The following BICD1 variants were observed in gnomAD, a reference collection of about 807,000 sequenced individuals.
BICD1 encodes BICD cargo adaptor 1, also known as protein bicaudal D homolog 1.
BICD1 carries 35 observed loss-of-function variants against 92.5 expected under a neutral mutation model. That is an observed-to-expected ratio of 0.38 (90% CI 0.29 to 0.50). The LOEUF is 0.50. BICD1 is among the 20% of genes least tolerant of loss of function. The pLI is 0.93. For synonymous variants in BICD1, 429 were observed against 465.1 expected, an observed-to-expected ratio of 0.92 and a Z score of 1.00; for missense variants, 950 against 1,189.8, an observed-to-expected ratio of 0.80 and a Z score of 2.97.
chr12:32,142,411 AAAAAAAAAAAAAAAAAAAAAC>A (rs1428411641), intron 1 of BICD1, among the ~76,000 whole-genome samples: 2 of 54,170 alleles, frequency 3.7e-5, no homozygotes, highest in South Asian at 6.4e-4. Context: ...TGTCTAAAAA[AAAAAAAAAAAAAAAAAAAAAC>A]AAAAAACCCC....
At chr12:32,314,447 G>A (rs897360865) in intron 4 of BICD1, among the ~76,000 whole-genome samples, 15 of 152,122 alleles carry the variant, frequency 9.9e-5, no homozygotes, top group African/African-American at 3.6e-4. Context: ...GTTATTATGT[G>A]CCTTTTCAAT....
rs948912913 is a variant in BICD1 at position 32,122,564 on chromosome 12, A to G, written c.213+15020A>G. Among the ~76,000 whole-genome samples, 5 of 152,176 alleles carry G rather than the reference A, an allele frequency of 3.3e-5. 1 individual carries two copies. Among genetic ancestry groups the G allele is most frequent in the Admixed American group, 1.3e-4 (2 of 15,282 alleles). ...GAGCATTCTCAGGTCTTCTATCTTA[A>G]TTACTGTAGTTATTTCCAGTCATGT... On this transcript the variant is annotated intron_variant, in intron 1 of 9. Transcript: ENST00000652176.
intron 1 of BICD1, among the ~76,000 whole-genome samples, chr12:32,128,083 T>C (rs942474462): frequency 2.0e-5 from 3 of 152,090 alleles, no homozygotes; most frequent in African/African-American, 7.2e-5. Context: ...TTTGTATTTT[T>C]AGTAGAGACA....
chr12:32,335,558 A>G (rs912863933), intron 6 of BICD1, among the ~76,000 whole-genome samples: 1 of 150,948 alleles, frequency 6.6e-6, no homozygotes, highest in African/African-American at 2.4e-5. Flanking sequence ...TGCTGTCACA[A>G]TGCAGTGTCA....
chr12:32,366,344 G>A (rs1425074720), intron 8 of BICD1, among the ~76,000 whole-genome samples: 1 of 152,222 alleles, frequency 6.6e-6, no homozygotes, highest in East Asian at 1.9e-4. Context: ...AGGAGGCCGG[G>A]TGCAGTGGCT....
At chr12:32,368,312 CTA>C (rs1167996229) in intron 9 of BICD1, among the ~76,000 whole-genome samples, 2 of 151,952 alleles carry the variant, frequency 1.3e-5, no homozygotes, top group Admixed American at 6.6e-5. Flanking sequence ...CTGCAGCGAG[CTA>C]TGATACCACT....
At chr12:32,278,937 G>C (rs1423068504) in intron 2 of BICD1, among the ~76,000 whole-genome samples, 1 of 152,182 alleles carries the variant, frequency 6.6e-6, no homozygotes, top group Non-Finnish European at 1.5e-5. Context: ...ATGCTACTTT[G>C]TGAAATAGAA....
At chr12:32,271,653 C>G (rs565419849) in intron 2 of BICD1, among the ~76,000 whole-genome samples, 1 of 152,130 alleles carries the variant, frequency 6.6e-6, no homozygotes. Flanking sequence ...TTCCCCATAC[C>G]GTGCCTGTAT....
intron 1 of BICD1, among the ~76,000 whole-genome samples, chr12:32,203,590 C>T (rs1412571216): frequency 1.3e-5 from 2 of 152,142 alleles, no homozygotes; most frequent in African/African-American, 4.8e-5. Flanking sequence ...GAACCCCCGG[C>T]CCATTTCGGA....
At chr12:32,272,866 T>G (rs1289377896) in intron 2 of BICD1, among the ~76,000 whole-genome samples, 1 of 152,210 alleles carries the variant, frequency 6.6e-6, no homozygotes, top group Non-Finnish European at 1.5e-5. Flanking sequence ...GGGTTTAGAT[T>G]GGAAAATAAG....
Position 32,137,279 on chromosome 12 carries a change from G to T in BICD1, c.213+29735G>T, listed in dbSNP as rs372861573. On this transcript the variant is annotated intron_variant, in intron 1 of 9. Coordinates refer to ENST00000652176, the MANE Select transcript of BICD1 (RefSeq NM_001714.4). Reference sequence around the variant, plus strand: ...GATTTTTGTATTTTTAGTAGAGACAGGGTTTTGCCGTGTTTGCCAGGCTGG... The same window carrying T: ...GATTTTTGTATTTTTAGTAGAGACATGGTTTTGCCGTGTTTGCCAGGCTGG... 2.6e-5 allele frequency among the ~76,000 whole-genome samples: 4 copies of T among 152,014 alleles called. 1 individual carries two copies. The East Asian group carries it at 7.7e-4, about 29-fold the overall frequency.
intron 2 of BICD1, among the ~76,000 whole-genome samples, chr12:32,270,083 T>C (rs979907980): frequency 7.2e-6 from 1 of 139,404 alleles, no homozygotes; most frequent in African/African-American, 2.9e-5. Flanking sequence ...ATGGCACCAC[T>C]GCTCTCCAGC....
At chr12:32,227,454 G>T (rs1354543419) in intron 2 of BICD1, 3 of 152,406 alleles carry the variant, frequency 2.0e-5, no homozygotes, top group Admixed American at 2.0e-4. Flanking sequence ...GCAGAGGCTG[G>T]TTCCTAGGTA....
At chr12:32,266,106 A>G (rs764371102) in intron 2 of BICD1, among the ~76,000 whole-genome samples, 8 of 152,164 alleles carry the variant, frequency 5.3e-5, no homozygotes, top group Admixed American at 2.6e-4. Context: ...CACGATTTCT[A>G]TTTAGGTCAT....
At chr12:32,111,167 C>T (rs957053898) in intron 1 of BICD1, among the ~76,000 whole-genome samples, 3 of 152,196 alleles carry the variant, frequency 2.0e-5, no homozygotes, top group Admixed American at 6.5e-5. Context: ...AAACTATGCA[C>T]TAATGAGCTT....
intron 3 of BICD1, among the ~76,000 whole-genome samples, chr12:32,302,000 C>G (rs1948062509): frequency 6.6e-6 from 1 of 152,134 alleles, no homozygotes; most frequent in South Asian, 2.1e-4. Context: ...CATTCTCCTG[C>G]CTCAGCCTTC....
chr12:32,221,368 TAAATAAATAA>T (rs1273420879), intron 2 of BICD1, among the ~76,000 whole-genome samples: 5 of 150,226 alleles, frequency 3.3e-5, no homozygotes, highest in African/African-American at 7.3e-5. Context: ...AATAAATAAA[TAAATAAATAA>T]AAATAAATAA....
intron 1 of BICD1, among the ~76,000 whole-genome samples, chr12:32,165,964 C>A (rs1283712773): frequency 6.6e-6 from 1 of 151,860 alleles, no homozygotes; most frequent in African/African-American, 2.4e-5. Context: ...CTGTGAATTA[C>A]GAAAAAGGCC....
At chr12:32,244,480 A>G (rs533398435) in intron 2 of BICD1, among the ~76,000 whole-genome samples, 8 of 152,302 alleles carry the variant, frequency 5.3e-5, no homozygotes, top group African/African-American at 1.9e-4. Flanking sequence ...GCAGGCTGTC[A>G]TTAATTGGAG....
Sources: allele counts gnomAD v4.1 joint callset (sites outside exome capture counted in the v4.1 genomes callset), GRCh38; gene constraint gnomAD v4.1.1; transcripts MANE v1.5; gene names NCBI Gene and HGNC (gene_info 2026-07-23, HGNC 2026-07-21).